PAPOLA: variants seen among roughly 807,000 people sequenced by gnomAD.
PAPOLA encodes polynucleotide adenylyltransferase alpha.
A neutral mutation model predicts 100.6 loss-of-function variants in PAPOLA; 15 were observed. The ratio of observed to expected loss-of-function variants is 0.15; its 90% confidence interval spans 0.10 to 0.23. The LOEUF is 0.23. Among genes scored for constraint, PAPOLA ranks in the 10% least tolerant of loss-of-function variants. The pLI is 1.00. For synonymous variants in PAPOLA, 293 were observed against 300.0 expected, an observed-to-expected ratio of 0.98 and a Z score of 0.24; for missense variants, 533 against 884.2, an observed-to-expected ratio of 0.60 and a Z score of 5.04.
At chr14:96,564,848 A>G in intron 21 of PAPOLA, 107 bp from the exon 22 acceptor site, 1 of 657,590 alleles carries the variant, frequency 1.5e-6, no homozygotes, top group East Asian at 2.5e-5. Flanking sequence ...AATTTGTAAT[A>G]CTTTTCTTCT....
intron 16 of PAPOLA, among the ~76,000 whole-genome samples, chr14:96,549,772 C>T (rs1900688456): frequency 6.6e-6 from 1 of 152,192 alleles, no homozygotes; most frequent in African/African-American, 2.4e-5. Flanking sequence ...AAGTTAAACA[C>T]TTGCTTTCTA....
At chr14:96,513,900 ATGG>A (rs1374012832) in intron 1 of PAPOLA, among the ~76,000 whole-genome samples, 5 of 152,160 alleles carry the variant, frequency 3.3e-5, no homozygotes, top group African/African-American at 9.7e-5. Flanking sequence ...ACCTGTTTTT[ATGG>A]CTTTTGCGTT....
chr14:96,526,197 C>T (rs1416436252), intron 4 of PAPOLA: 3 of 152,196 alleles, frequency 2.0e-5, no homozygotes, highest in African/African-American at 7.2e-5. Flanking sequence ...TCACTGAGTA[C>T]TGAGATCTTC....
intron 1 of PAPOLA, among the ~76,000 whole-genome samples, chr14:96,511,831 C>T (rs1380471726): frequency 6.6e-6 from 1 of 152,096 alleles, no homozygotes; most frequent in African/African-American, 2.4e-5. Context: ...ATAACTTGGC[C>T]GCCCTAGCAG....
chr14:96,556,556 C>G, intron 19 of PAPOLA, 143 bp downstream of exon 19: 1 of 675,018 alleles, frequency 1.5e-6, no homozygotes, highest in Non-Finnish European at 2.6e-6. Flanking sequence ...GTCTGTAGTG[C>G]TTTAGTGCTG....
chr14:96,554,939 G>A (rs1595555447), intron 17 of PAPOLA, among the ~76,000 whole-genome samples: 1 of 152,026 alleles, frequency 6.6e-6, no homozygotes, highest in Non-Finnish European at 1.5e-5. Context: ...TAGAATTTGG[G>A]GTAATACTTG....
At chr14:96,559,350 T>C (rs1375993601) in intron 19 of PAPOLA, among the ~76,000 whole-genome samples, 1 of 151,892 alleles carries the variant, frequency 6.6e-6, no homozygotes, top group African/African-American at 2.4e-5. Flanking sequence ...ATTAGAAATT[T>C]TAGCAAAGCA....
At chr14:96,520,932 C>T (rs775176398) in intron 2 of PAPOLA, 74 bp from the exon 3 acceptor site, 35 of 772,164 alleles carry the variant, frequency 4.5e-5, no homozygotes, top group Non-Finnish European at 7.5e-5. Context: ...TTAGGAAGAA[C>T]GCCTATTTAA....
At position 96,542,807 on chromosome 14, in the gene PAPOLA, G is replaced by A. The variant is rs576472887; in HGVS notation, c.1203G>A (p.Leu401=). The A allele has an allele frequency of 6.2e-6, 10 of 1,612,060 alleles. No homozygotes were observed. Among genetic ancestry groups the A allele is most frequent in the South Asian group, 2.2e-5 (2 of 90,554 alleles). Residue 401 remains leucine, a synonymous_variant, in exon 14 of 22, where the codon CTG becomes CTA. Coordinates refer to ENST00000216277, the MANE Select transcript of PAPOLA (RefSeq NM_032632.5). ...VGLVESKIRI[L]VGSLEKNEFI... ...TGGTGGAATCAAAAATCCGAATCCT[G>A]GTTGGAAGCTTGGAGAAGAATGAAT... is the stretch of plus-strand genomic sequence containing the variant.
At chr14:96,535,739 C>T (rs1278409102) in intron 10 of PAPOLA, 140 bp from the exon 11 acceptor site, 2 of 832,246 alleles carry the variant, frequency 2.4e-6, no homozygotes, top group African/African-American at 1.8e-5. Context: ...CAATGTCTCT[C>T]TACATGGTTT....
intron 12 of PAPOLA, chr14:96,537,535 T>G (rs11627287): frequency 6.4e-6 from 1 of 156,202 alleles, no homozygotes; most frequent in Admixed American, 6.2e-5. Context: ...CCTGCCATTT[T>G]CCCCCAATGT....
At position 96,542,531 on chromosome 14, in the gene PAPOLA, A is replaced by C. The variant is rs939329263; in HGVS notation, c.1169+235A>C. On this transcript the variant is annotated intron_variant, in intron 13 of 21. Transcript: ENST00000216277. ...CATAATTTCTTAATTGTATATTTAA[A>C]GTGCACTTATAGCTTGTTTTTCTTA... 5.5e-6 allele frequency: 3 copies of C among 544,122 alleles called. No homozygotes were observed. The African/African-American group carries it at 5.9e-5, about 11-fold the overall frequency. The allele number at this position is 544,122 out of a possible 1,614,324, so 33.7% of individuals were successfully genotyped here.
chr14:96,534,443 A>T, intron 9 of PAPOLA, 48 bp from the exon 10 acceptor site: 1 of 1,597,846 alleles, frequency 6.3e-7, no homozygotes, highest in South Asian at 1.1e-5. Context: ...ATACGTTTAG[A>T]TGGTAATATC....
At chr14:96,505,991 C>T (rs1419879648) in intron 1 of PAPOLA, among the ~76,000 whole-genome samples, 1 of 152,136 alleles carries the variant, frequency 6.6e-6, no homozygotes, top group Non-Finnish European at 1.5e-5. Flanking sequence ...GCAACCTCCA[C>T]CTCCCGGGTT....
Position 96,565,836 on chromosome 14 carries a change from C to G in PAPOLA, c.*786C>G. On this transcript the variant is annotated 3_prime_UTR_variant, in exon 22 of 22. Transcript: ENST00000216277. Reference sequence around the variant, plus strand: ...ATCTGTTGTCTTCAAAACAAACAAACAAAAAAAGCTTCTTGCGCCTTTCCC... The same window carrying G: ...ATCTGTTGTCTTCAAAACAAACAAAGAAAAAAAGCTTCTTGCGCCTTTCCC... The G allele has an allele frequency of 2.5e-6, 1 of 397,194 alleles. No individual in the cohort carries two copies. The highest frequency in any genetic ancestry group is 4.4e-6 in the Non-Finnish European group (1 of 224,926). The allele number at this position is 397,194 out of a possible 1,614,324, so 24.6% of individuals were successfully genotyped here.
intron 15 of PAPOLA, among the ~76,000 whole-genome samples, chr14:96,547,323 A>G (rs531962221): frequency 5.9e-5 from 9 of 152,130 alleles, no homozygotes; most frequent in South Asian, 2.1e-4. Context: ...TTAAATTATT[A>G]CTATATTAGA....
chr14:96,562,177 C>T (rs1031035206), intron 20 of PAPOLA, among the ~76,000 whole-genome samples: 2 of 152,076 alleles, frequency 1.3e-5, no homozygotes, highest in East Asian at 1.9e-4. Context: ...CAGGTGTGAG[C>T]CACCACGTCT....
At chr14:96,524,847 A>G (rs759216304) in intron 3 of PAPOLA, among the ~76,000 whole-genome samples, 1 of 152,206 alleles carries the variant, frequency 6.6e-6, no homozygotes, top group Non-Finnish European at 1.5e-5. Flanking sequence ...CACTTTTGAT[A>G]TGATAAAAAA....
At chr14:96,514,180 CTTT>C (rs201921706) in intron 1 of PAPOLA, among the ~76,000 whole-genome samples, 4 of 138,884 alleles carry the variant, frequency 2.9e-5, no homozygotes, top group Admixed American at 7.3e-5. Context: ...CATTAGGTAT[CTTT>C]TTTTTTTTTT....
Sources: allele counts gnomAD v4.1 joint callset (sites outside exome capture counted in the v4.1 genomes callset), GRCh38; gene constraint gnomAD v4.1.1; transcripts MANE v1.5; gene names NCBI Gene and HGNC (gene_info 2026-07-23, HGNC 2026-07-21).